Variants in FUBP1 observed in about 807,000 individuals in gnomAD.
FUBP1 encodes the protein far upstream element binding protein 1, also known as far upstream element-binding protein 1.
Under a neutral mutation model 94.9 loss-of-function variants are expected in FUBP1, and 16 were observed. The ratio of observed to expected loss-of-function variants is 0.17; its 90% CI spans 0.11 to 0.26. FUBP1 has a LOEUF of 0.26. Among genes scored for constraint, FUBP1 ranks in the 10% least tolerant of loss-of-function variants. The probability of loss-of-function intolerance (pLI) is 1.00; values close to 1 mark genes in which losing one functional copy is unlikely to be tolerated. For synonymous variants in FUBP1, 279 were observed against 254.9 expected (o/e 1.09, Z -0.90); for missense variants, 583 against 808.6 (o/e 0.72, Z 3.38).
At chr1:77,960,818 T>A in intron 14 of FUBP1, 1 of 233,690 alleles carries the variant, frequency 4.3e-6, no homozygotes, top group Non-Finnish European at 8.4e-6. Context: ...TTTACTATCT[T>A]TTTCCATCTT....
intron 13 of FUBP1, among the ~76,000 whole-genome samples, chr1:77,963,172 TGTG>T (rs991447946): frequency 6.6e-6 from 1 of 152,216 alleles, no homozygotes; most frequent in African/African-American, 2.4e-5. Context: ...ATAAACTTAA[TGTG>T]ATTATAATAA....
chr1:77,976,373 T>G (rs1170369291), intron 1 of FUBP1, among the ~76,000 whole-genome samples: 1 of 152,200 alleles, frequency 6.6e-6, no homozygotes, highest in African/African-American at 2.4e-5. Flanking sequence ...AAGAAATCAT[T>G]ACAGCAAAGA....
intron 7 of FUBP1, 86 bp downstream of exon 7, chr1:77,966,608 A>G: frequency 1.3e-6 from 1 of 765,588 alleles, no homozygotes; most frequent in Non-Finnish European, 2.3e-6. Context: ...ACAGTGTAAA[A>G]TAAAGCAGTA....
intron 18 of FUBP1, among the ~76,000 whole-genome samples, chr1:77,950,465 GTTTA>G (rs1653209729): frequency 6.6e-6 from 1 of 152,142 alleles, no homozygotes; most frequent in African/African-American, 2.4e-5. Context: ...CAGACATTGA[GTTTA>G]TTTAGAGCAA....
At chr1:77,968,358 G>A (rs1343555391) in intron 2 of FUBP1, among the ~76,000 whole-genome samples, 155 bp from the exon 3 acceptor site, 1 of 151,928 alleles carries the variant, frequency 6.6e-6, no homozygotes, top group African/African-American at 2.4e-5. Context: ...CCCCAACTCA[G>A]TAATCTAAAA....
chr1:77,968,655 A>C (rs1025204571), intron 2 of FUBP1, among the ~76,000 whole-genome samples: 5 of 151,638 alleles, frequency 3.3e-5, no homozygotes, highest in African/African-American at 9.7e-5. Flanking sequence ...AAAAAAAAAA[A>C]CAAAAAAACC....
intron 1 of FUBP1, among the ~76,000 whole-genome samples, chr1:77,970,271 C>T (rs991353099): frequency 7.2e-5 from 11 of 152,130 alleles, no homozygotes; most frequent in South Asian, 6.2e-4. Context: ...ACTAGGAATC[C>T]GGAAGAGAGA....
chr1:77,967,642 A>T lies in FUBP1; in HGVS notation c.275T>A (p.Met92Lys). ...NDSFGTQLPP[M>K]HQQQSRSVMT... ...GTGACTATACCTTTGCTGCTGATGC[A>T]TCGGTGGTAACTGTGTTCCAAAAGC... The change falls in exon 4 of 20, where the codon ATG (methionine) becomes AAG (lysine). Residue 92 changes from methionine to lysine, a missense_variant. Physicochemically the swap from Met to Lys is moderately conservative, Grantham distance 95. Transcript: ENST00000370768. 6.3e-7 allele frequency: 1 copy of T among 1,593,460 alleles called. No homozygotes were observed. The highest frequency in any genetic ancestry group is 8.6e-7 in the Non-Finnish European group (1 of 1,165,030).
intron 17 of FUBP1, 92 bp from the exon 18 acceptor site, chr1:77,955,421 T>A: frequency 1.4e-6 from 1 of 724,430 alleles, no homozygotes; most frequent in Non-Finnish European, 2.5e-6. Flanking sequence ...GGCAGGGGCC[T>A]GCAATGTGAC....
Position 77,965,237 on chromosome 1 carries a change from A to G in FUBP1, c.474-6T>C. On this transcript the variant is annotated splice_polypyrimidine_tract_variant and splice_region_variant and intron_variant, in intron 7 of 19. Coordinates refer to ENST00000370768, the MANE Select transcript of FUBP1 (RefSeq NM_003902.5). ...CCAGTAACCGTTTTGCTGACCTGTT[A>G]ACAAATTAATATTTAAATAGTAAGC... The G allele has an allele frequency of 6.3e-7, 1 of 1,587,718 alleles. No homozygotes were observed. The highest frequency in any genetic ancestry group is 8.6e-7 in the Non-Finnish European group (1 of 1,159,076).
At chr1:77,974,499 G>A (rs1658239992) in intron 1 of FUBP1, among the ~76,000 whole-genome samples, 1 of 152,042 alleles carries the variant, frequency 6.6e-6, no homozygotes, top group African/African-American at 2.4e-5. Flanking sequence ...AGACTCCTGG[G>A]CTCAAGCAAT....
At chr1:77,956,957 G>A (rs1159408711) in intron 16 of FUBP1, among the ~76,000 whole-genome samples, 1 of 152,188 alleles carries the variant, frequency 6.6e-6, no homozygotes, top group Non-Finnish European at 1.5e-5. Context: ...ACTGGGATAT[G>A]AATAAAGGTC....
intron 17 of FUBP1, among the ~76,000 whole-genome samples, chr1:77,956,243 T>C (rs1654440341): frequency 6.6e-6 from 1 of 152,186 alleles, no homozygotes; most frequent in Admixed American, 6.6e-5. Context: ...CTTTCAGAAC[T>C]AATTATGCTG....
rs190283370 is a variant in FUBP1 at position 77,944,312 on chromosome 1, G to A, written c.*4454C>T. 1.5e-5 allele frequency: 3 copies of A among 196,400 alleles called. No homozygotes were observed. The Admixed American group carries it at 1.8e-4, about 12-fold the overall frequency. The allele number at this position is 196,400 out of a possible 1,614,324, so 12.2% of individuals were successfully genotyped here. A position where few individuals can be genotyped will look rare whatever the true frequency, so the allele number is the denominator to read the frequency against. ...CTCAGGACGAAAATGCATCGAGCAT[G>A]CATAAGAAAATATATATATATATAT... On this transcript the variant is annotated 3_prime_UTR_variant, in exon 20 of 20. Transcript: ENST00000370768.
intron 18 of FUBP1, among the ~76,000 whole-genome samples, chr1:77,953,528 G>T (rs1050280090): frequency 4.6e-5 from 7 of 152,022 alleles, no homozygotes; most frequent in South Asian, 2.1e-4. Flanking sequence ...GATTATTGTG[G>T]TACTACAGAA....
At position 77,955,247 on chromosome 1, in the gene FUBP1, A is replaced by T. The variant is rs1328526472; in HGVS notation, c.1780+8T>A. On this transcript the variant is annotated splice_region_variant and intron_variant, in intron 18 of 19. Transcript: ENST00000370768. ...AGTATGTATTTTCAAGAAATGTATAAAACATACCCATTTTCTTGTAGTACT... is the reference window on the plus strand; with the variant it reads ...AGTATGTATTTTCAAGAAATGTATATAACATACCCATTTTCTTGTAGTACT... The T allele has an allele frequency of 9.2e-6, 11 of 1,194,320 alleles. No individual in the cohort carries two copies. Among genetic ancestry groups the T allele is most frequent in the Non-Finnish European group, 1.4e-5 (11 of 797,240 alleles). The allele number at this position is 1,194,320 out of a possible 1,614,324, so 74.0% of individuals were successfully genotyped here.
intron 18 of FUBP1, among the ~76,000 whole-genome samples, chr1:77,949,853 T>TAC (rs887426057): frequency 6.6e-6 from 1 of 152,198 alleles, no homozygotes; most frequent in African/African-American, 2.4e-5. Context: ...AAAGTGTATG[T>TAC]ACACACACAC....
chr1:77,962,700 G>C, intron 14 of FUBP1, 70 bp downstream of exon 14: 2 of 942,530 alleles, frequency 2.1e-6, no homozygotes, highest in Non-Finnish European at 3.2e-6. Context: ...TGATGTATTT[G>C]AATAAACGTC....
At position 77,962,752 on chromosome 1, in the gene FUBP1, A is replaced by T. The variant is rs759934978; in HGVS notation, c.1344+18T>A. On this transcript the variant is annotated intron_variant, in intron 14 of 19. Coordinates refer to ENST00000370768, the MANE Select transcript of FUBP1 (RefSeq NM_003902.5). Reference sequence around the variant, plus strand: ...CTAAGGGTCTACACTAAAAATTAAAAGTTTAAAGTATACTCACACCAATCT... The same window carrying T: ...CTAAGGGTCTACACTAAAAATTAAATGTTTAAAGTATACTCACACCAATCT... The T allele has an allele frequency of 5.7e-6, 9 of 1,578,354 alleles. No individual in the cohort carries two copies. The Admixed American group carries it at 1.6e-4, about 27-fold the overall frequency.
Sources: gnomAD v4.1 joint callset for allele counts (sites outside exome capture counted in the v4.1 genomes callset) on GRCh38, gnomAD v4.1.1 for gene constraint, MANE v1.5 for transcripts, NCBI Gene and HGNC (gene_info 2026-07-23, HGNC 2026-07-21) for gene names.